APTX: variants seen among roughly 807,000 people sequenced by gnomAD.
The protein encoded by APTX is forkhead-associated domain histidine triad-like protein.
A neutral mutation model predicts 42.3 loss-of-function variants in APTX; 33 were observed. The ratio of observed to expected loss-of-function variants is 0.78; its 90% CI spans 0.59 to 1.04. The LOEUF (loss-of-function observed/expected upper bound fraction) is 1.04. Among genes scored for constraint, APTX ranks in the 50% least tolerant of loss-of-function variants. APTX has a pLI of 0.00. For synonymous variants in APTX, 130 were observed against 146.7 expected (o/e 0.89, Z 0.82); for missense variants, 421 against 415.1 (o/e 1.01, Z -0.12).
intron 5 of APTX, among the ~76,000 whole-genome samples, 153 bp from the exon 6 acceptor site, chr9:32,985,010 C>T (rs1369791873): frequency 6.6e-6 from 1 of 152,222 alleles, no homozygotes; most frequent in Non-Finnish European, 1.5e-5. Context: ...GAAATTCAGA[C>T]AGGTTGAGTG....
At chr9:32,980,151 C>G (rs958878552) in intron 6 of APTX, 1 of 152,424 alleles carries the variant, frequency 6.6e-6, no homozygotes, top group African/African-American at 2.4e-5. Flanking sequence ...GTTCTTTTTT[C>G]TTTTCTTCAG....
At position 33,024,870 on chromosome 9, in the gene APTX, G is replaced by C. The variant is rs1025935064; in HGVS notation, c.-5+153C>G. ...AAGAGGCGCCCGTAAGAGGGGGGGG[G>C]GGGGGGGCAAGACTGTTCCAAGAGC... On this transcript the variant is annotated intron_variant, in intron 1 of 6. Coordinates refer to the APTX transcript ENST00000436040. 5 of 105,558 alleles carry C rather than the reference G, an allele frequency of 4.7e-5. 1 individual carries two copies. In the East Asian group the frequency reaches 2.0e-3, roughly 42 times the overall value. 6.5% of individuals were successfully genotyped at this position (105,558 alleles called of 1,614,324 possible).
rs978016251 is a variant in APTX, at chr9:33,001,211, G to A, written c.-5+356C>T. Reference sequence around the variant, plus strand: ...AGGATGCTGCTAAGGTCCCTCAAGTGCCTTTCACGAAGCATTTCTGGCGGA... The same window carrying A: ...AGGATGCTGCTAAGGTCCCTCAAGTACCTTTCACGAAGCATTTCTGGCGGA... On this transcript the variant is annotated intron_variant, in intron 1 of 7. Coordinates refer to ENST00000379817, the MANE Select transcript of APTX (RefSeq NM_001195248.2). 7 of 1,062,934 alleles carry A rather than the reference G, an allele frequency of 6.6e-6. No homozygotes were observed. In the South Asian group the frequency reaches 7.5e-5, roughly 11 times the overall value. 65.8% of individuals were successfully genotyped at this position (1,062,934 alleles called of 1,614,324 possible).
At chr9:33,016,544 A>G (rs952758865) in intron 1 of APTX, among the ~76,000 whole-genome samples, 1 of 152,214 alleles carries the variant, frequency 6.6e-6, no homozygotes, top group Non-Finnish European at 1.5e-5. Flanking sequence ...AGTAAACTGA[A>G]TGTACCTCAC....
At chr9:32,986,056 A>G in intron 4 of APTX, 26 bp from the exon 5 acceptor site, 1 of 809,234 alleles carries the variant, frequency 1.2e-6, no homozygotes, top group Non-Finnish European at 1.7e-6. Context: ...AAAAAAAAAC[A>G]AAAAAAAAAA....
chr9:32,973,126 T>C lies in APTX; in HGVS notation c.*372A>G. On this transcript the variant is annotated 3_prime_UTR_variant, in exon 8 of 8. Coordinates refer to ENST00000379817, the MANE Select transcript of APTX (RefSeq NM_001195248.2). ...GCTCTGATTAAAGGTTGTCCATGCC[T>C]ACAGAGGCGGAGGATAAATCTAAGA... 2.2e-6 allele frequency: 1 copy of C among 460,296 alleles called. No individual in the cohort carries two copies. The highest frequency in any genetic ancestry group is 6.7e-4 in the Middle Eastern group (1 of 1,484). 28.5% of individuals were successfully genotyped at this position (460,296 alleles called of 1,614,324 possible). A position where few individuals can be genotyped will look rare whatever the true frequency, so the allele number is the denominator to read the frequency against.
chr9:32,985,742 G>A (rs923438830), intron 5 of APTX, among the ~76,000 whole-genome samples: 1 of 152,024 alleles, frequency 6.6e-6, no homozygotes, highest in Non-Finnish European at 1.5e-5. Flanking sequence ...AGTTTAAAAG[G>A]CACAAGGCAG....
At chr9:32,974,625 CAA>C (rs1250951453) in intron 6 of APTX, 64 bp from the exon 7 acceptor site, 50 of 894,574 alleles carry the variant, frequency 5.6e-5, no homozygotes, top group South Asian at 5.4e-4. Flanking sequence ...ATCAAAATGA[CAA>C]AGAGTATGAG....
intron 5 of APTX, among the ~76,000 whole-genome samples, 174 bp downstream of exon 5, chr9:32,985,797 A>C (rs770782999): frequency 2.0e-5 from 3 of 152,162 alleles, no homozygotes; most frequent in African/African-American, 2.4e-5. Context: ...CCAAACAATG[A>C]CAGCTGCTAC....
At chr9:33,007,598 TAA>T (rs1837250553) in intron 1 of APTX, among the ~76,000 whole-genome samples, 1 of 152,196 alleles carries the variant, frequency 6.6e-6, no homozygotes, top group African/African-American at 2.4e-5. Flanking sequence ...TGCCAAATCA[TAA>T]AAGTTATTTA....
intron 1 of APTX, 98 bp downstream of exon 1, chr9:33,001,469 C>G (rs1836465127): frequency 6.3e-7 from 1 of 1,594,664 alleles, no homozygotes; most frequent in Non-Finnish European, 8.5e-7. Context: ...CAGCGTCATT[C>G]AAGGCACATC....
At chr9:33,014,161 G>T (rs1009990902) in intron 1 of APTX, among the ~76,000 whole-genome samples, 13 of 152,332 alleles carry the variant, frequency 8.5e-5, no homozygotes, top group African/African-American at 3.1e-4. Flanking sequence ...TACCAGCCCT[G>T]CCTCTGCTCT....
At chr9:33,021,978 A>G (rs10813922) in intron 1 of APTX, among the ~76,000 whole-genome samples, 28,976 of 150,040 alleles carry the variant, frequency 0.19, 3,029 homozygotes, top group Middle Eastern at 0.27. Flanking sequence ...AAAAAAAAAA[A>G]GGGAAACAAT....
chr9:32,989,779 T>G lies in APTX; in HGVS notation c.113A>C (p.Lys38Thr). The change falls in exon 2 of 8, where the codon AAG (lysine) becomes ACG (threonine). Residue 38 changes from lysine to threonine, a missense_variant. Coordinates refer to ENST00000379817, the MANE Select transcript of APTX (RefSeq NM_001195248.2). ...GTTACCTTGCTGTCGAGAACATTTC[T>G]TATCAGTGATCTTGGTCTCTGGGCC... The part of the protein sequence containing the change: ...GRGPETKITD[K>T]KCSRQQVQLK... The G allele has an allele frequency of 6.2e-7, 1 of 1,614,264 alleles. No individual in the cohort carries two copies. The highest frequency in any genetic ancestry group is 1.3e-5 in the African/African-American group (1 of 75,072).
chr9:32,980,395 T>C (rs915669127), intron 6 of APTX: 1 of 175,384 alleles, frequency 5.7e-6, no homozygotes, highest in Non-Finnish European at 1.3e-5. Flanking sequence ...GGGAACCACC[T>C]TGTCCAATGT....
In APTX at chr9:33,001,182, GTT is replaced by G. The variant is rs1836348249; in HGVS notation, c.-5+383_-5+384del. The stretch of plus-strand genomic sequence containing the variant: ...TCTTCTGGCATTCCCTACAAGGCCT[GTT>G]GAGGATGCTGCTAAGGTCCCTCAAG... On this transcript the variant is annotated intron_variant, in intron 1 of 7. Transcript: ENST00000379817. The G allele has an allele frequency of 2.7e-4, 114 of 426,624 alleles. 32 individuals are homozygous for G. Among genetic ancestry groups the G allele is most frequent in the Middle Eastern group, 1.1e-3 (1 of 924 alleles). The allele number at this position is 426,624 out of a possible 1,614,324, so 26.4% of individuals were successfully genotyped here. A position where few individuals can be genotyped will look rare whatever the true frequency, so the allele number is the denominator to read the frequency against.
At chr9:33,015,596 A>G (rs1837842113) in intron 1 of APTX, among the ~76,000 whole-genome samples, 1 of 152,128 alleles carries the variant, frequency 6.6e-6, no homozygotes, top group South Asian at 2.1e-4. Flanking sequence ...TGATCTCATG[A>G]TCTGCCTGCC....
upstream of APTX, among the ~76,000 whole-genome samples, chr9:33,006,370 A>G (rs1837142886): frequency 6.6e-6 from 1 of 152,234 alleles, no homozygotes; most frequent in African/African-American, 2.4e-5. Context: ...AATTGTGAAT[A>G]GCTGCCATGT....
intron 1 of APTX, among the ~76,000 whole-genome samples, chr9:33,012,269 A>G (rs1171187387): frequency 6.6e-6 from 1 of 152,102 alleles, no homozygotes; most frequent in Non-Finnish European, 1.5e-5. Context: ...TTAGAGAGAG[A>G]GGATATAGCA....
Sources: allele counts gnomAD v4.1 joint callset (sites outside exome capture counted in the v4.1 genomes callset), GRCh38; gene constraint gnomAD v4.1.1; transcripts MANE v1.5; gene names NCBI Gene and HGNC (gene_info 2026-07-23, HGNC 2026-07-21).